KCNJ16: variants seen among roughly 807,000 people sequenced by gnomAD.
The protein encoded by KCNJ16 is potassium inwardly rectifying channel subfamily J member 16, also known as inward rectifier potassium channel 16.
A neutral mutation model predicts 18.5 loss-of-function variants in KCNJ16; 15 were observed. The ratio of observed to expected loss-of-function variants is 0.81; its 90% CI spans 0.54 to 1.25. KCNJ16 has a LOEUF of 1.25. KCNJ16 is among the 50% of genes most tolerant of loss of function. KCNJ16 has a pLI of 0.00. For synonymous variants in KCNJ16, 174 were observed against 186.5 expected (o/e 0.93, Z 0.55); for missense variants, 523 against 525.7 (o/e 0.99, Z 0.05).
intron 2 of KCNJ16, among the ~76,000 whole-genome samples, chr17:70,103,220 A>ATATGTGTATTATATATT (rs1291728795): frequency 6.9e-6 from 1 of 144,108 alleles, no homozygotes; most frequent in Non-Finnish European, 1.5e-5. Context: ...TTGTGTATAT[A>ATATGTGTATTATATATT]TATGTGTATT....
At chr17:70,085,910 G>C (rs1005466162) in intron 1 of KCNJ16, among the ~76,000 whole-genome samples, 2 of 152,102 alleles carry the variant, frequency 1.3e-5, no homozygotes, top group Admixed American at 1.3e-4. Flanking sequence ...ATTGAGCAAG[G>C]ATAATACCAA....
At chr17:70,085,186 T>C (rs1184758633) in intron 1 of KCNJ16, among the ~76,000 whole-genome samples, 1 of 152,212 alleles carries the variant, frequency 6.6e-6, no homozygotes. Context: ...CATATACCAC[T>C]ACATGGAGAC....
At chr17:70,121,587 T>C (rs1046169672) in intron 2 of KCNJ16, among the ~76,000 whole-genome samples, 1 of 152,154 alleles carries the variant, frequency 6.6e-6, no homozygotes, top group African/African-American at 2.4e-5. Context: ...CTAATTGCAA[T>C]GGAAAGAAAC....
chr17:70,121,428 G>C (rs1471934241), intron 2 of KCNJ16, among the ~76,000 whole-genome samples: 2 of 152,130 alleles, frequency 1.3e-5, no homozygotes, highest in South Asian at 2.1e-4. Context: ...GCAGTTTTCT[G>C]ACCCCAGTGT....
chr17:70,087,863 G>T (rs1481298242), intron 1 of KCNJ16, among the ~76,000 whole-genome samples: 1 of 151,858 alleles, frequency 6.6e-6, no homozygotes, highest in Admixed American at 6.6e-5. Context: ...GCCAGTGTAT[G>T]ATCTGATCTT....
chr17:70,099,386 T>G (rs1270182048), intron 1 of KCNJ16, among the ~76,000 whole-genome samples: 2 of 152,144 alleles, frequency 1.3e-5, no homozygotes, highest in African/African-American at 2.4e-5. Flanking sequence ...TTGCAGAGCT[T>G]CAGGGGACAG....
At chr17:70,121,394 A>G (rs1377756644) in intron 2 of KCNJ16, among the ~76,000 whole-genome samples, 1 of 152,182 alleles carries the variant, frequency 6.6e-6, no homozygotes, top group East Asian at 1.9e-4. Context: ...AAACAACTCA[A>G]TACTCAGATT....
chr17:70,083,584 G>A (rs1436606103), intron 1 of KCNJ16, among the ~76,000 whole-genome samples: 1 of 152,028 alleles, frequency 6.6e-6, no homozygotes, highest in African/African-American at 2.4e-5. Context: ...TGTAGCTTAG[G>A]AGTAATAGGC....
chr17:70,097,992 T>C (rs1197643577), intron 1 of KCNJ16, among the ~76,000 whole-genome samples: 1 of 152,190 alleles, frequency 6.6e-6, no homozygotes, highest in East Asian at 1.9e-4. Context: ...CTAATCAGAT[T>C]GTGTTAGTCT....
chr17:70,123,504 T>C (rs995160365), intron 2 of KCNJ16, among the ~76,000 whole-genome samples: 3 of 152,164 alleles, frequency 2.0e-5, no homozygotes, highest in African/African-American at 7.2e-5. Flanking sequence ...TGATAAGCTA[T>C]CAGAGGAGAG....
At chr17:70,102,265 T>C (rs1312578731) in intron 2 of KCNJ16, 1 of 140,772 alleles carries the variant, frequency 7.1e-6, no homozygotes, top group African/African-American at 2.7e-5. Flanking sequence ...TCTCTCTCTG[T>C]TGCCCAGGCT....
intron 2 of KCNJ16, among the ~76,000 whole-genome samples, chr17:70,122,128 T>C (rs1335501853): frequency 6.6e-6 from 1 of 152,022 alleles, no homozygotes; most frequent in Non-Finnish European, 1.5e-5. Context: ...GTAGTTGACA[T>C]GATGATTTAA....
chr17:70,095,870 CTTTTTTTTTTTTTT>C (rs147216245), intron 1 of KCNJ16, among the ~76,000 whole-genome samples: 1 of 95,390 alleles, frequency 1.0e-5, no homozygotes, highest in South Asian at 3.7e-4. Flanking sequence ...TTACTTAATC[CTTTTTTTTTTTTTT>C]TTTTTTTTTT....
intron 2 of KCNJ16, among the ~76,000 whole-genome samples, chr17:70,110,453 A>C (rs2073137122): frequency 6.6e-6 from 1 of 151,618 alleles, no homozygotes; most frequent in African/African-American, 2.4e-5. Flanking sequence ...GTCAGGAACC[A>C]GACTTACACA....
intron 1 of KCNJ16, among the ~76,000 whole-genome samples, chr17:70,090,846 A>G (rs1384627992): frequency 1.3e-5 from 2 of 152,234 alleles, no homozygotes; most frequent in African/African-American, 4.8e-5. Flanking sequence ...TGTTTAGCTC[A>G]GTTGCCAGCA....
chr17:70,111,354 G>A (rs28425671), intron 2 of KCNJ16, among the ~76,000 whole-genome samples: 9,678 of 152,198 alleles, frequency 0.064, 1,003 homozygotes, highest in African/African-American at 0.22. Flanking sequence ...AAGAGGAGAT[G>A]GAGCTGGGCT....
intron 1 of KCNJ16, among the ~76,000 whole-genome samples, chr17:70,087,603 A>G (rs1408998982): frequency 6.6e-6 from 1 of 152,116 alleles, no homozygotes; most frequent in Non-Finnish European, 1.5e-5. Flanking sequence ...GCTATTCGGG[A>G]GGTTGAGACA....
At chr17:70,079,077 A>T (rs8078869) in intron 1 of KCNJ16, among the ~76,000 whole-genome samples, 1 of 152,034 alleles carries the variant, frequency 6.6e-6, no homozygotes, top group African/African-American at 2.4e-5. Flanking sequence ...ACAGGAGAGC[A>T]AGAGGGAGAA....
At chr17:70,085,699 T>C (rs2071765061) in intron 1 of KCNJ16, among the ~76,000 whole-genome samples, 1 of 152,196 alleles carries the variant, frequency 6.6e-6, no homozygotes, top group African/African-American at 2.4e-5. Context: ...ATGATTGATT[T>C]TATTGAAGTA....
Sources: allele counts gnomAD v4.1 joint callset (sites outside exome capture counted in the v4.1 genomes callset), GRCh38; gene constraint gnomAD v4.1.1; transcripts MANE v1.5; gene names NCBI Gene and HGNC (gene_info 2026-07-23, HGNC 2026-07-21).